DOCK1: variants seen among roughly 807,000 people sequenced by gnomAD.
DOCK1 encodes dedicator of cytokinesis 1.
In DOCK1, 138 loss-of-function variants were observed where a neutral mutation model predicts 262.7. The ratio of observed to expected loss-of-function variants is 0.53; its 90% CI spans 0.46 to 0.61. The LOEUF (loss-of-function observed/expected upper bound fraction) is 0.61, where lower values mean the gene tolerates loss of function less well. Among genes scored for constraint, DOCK1 ranks in the 20% least tolerant of loss-of-function variants. The pLI is 0.00. For missense variants in DOCK1, 1,908 were observed against 2,370.7 expected (o/e 0.80, Z 4.05); for synonymous variants, 866 against 867.4 (o/e 1.00, Z 0.03).
intron 23 of DOCK1, among the ~76,000 whole-genome samples, chr10:127,083,314 C>A (rs755198298): frequency 1.1e-3 from 175 of 152,300 alleles, no homozygotes; most frequent in Non-Finnish European, 1.7e-3. Flanking sequence ...CTGGTGCCCT[C>A]CCTTCCCAGG....
At chr10:127,049,229 G>A (rs1411480069) in intron 21 of DOCK1, among the ~76,000 whole-genome samples, 1 of 152,176 alleles carries the variant, frequency 6.6e-6, no homozygotes, top group Non-Finnish European at 1.5e-5. Context: ...TTATCAAAAA[G>A]TCATAGGCCG....
chr10:127,368,434 C>T (rs942078139), intron 33 of DOCK1, among the ~76,000 whole-genome samples: 2 of 152,130 alleles, frequency 1.3e-5, no homozygotes, highest in Non-Finnish European at 2.9e-5. Flanking sequence ...CCTTTCCTTA[C>T]AGCTGGCCAA....
At chr10:127,281,892 G>C (rs539735750) in intron 29 of DOCK1, among the ~76,000 whole-genome samples, 102 of 152,308 alleles carry the variant, frequency 6.7e-4, no homozygotes, top group Non-Finnish European at 1.2e-3. Flanking sequence ...TGGCCTCCCT[G>C]TAGGTCAGTG....
chr10:127,314,969 C>T (rs2062211263), intron 29 of DOCK1, among the ~76,000 whole-genome samples: 1 of 152,222 alleles, frequency 6.6e-6, no homozygotes, highest in South Asian at 2.1e-4. Context: ...ACTGTAATAA[C>T]AGCAGCTGGT....
intron 24 of DOCK1, among the ~76,000 whole-genome samples, chr10:127,108,712 C>A (rs2048690313): frequency 6.6e-6 from 1 of 152,214 alleles, no homozygotes; most frequent in African/African-American, 2.4e-5. Flanking sequence ...CCGATCCATC[C>A]CATGCTGGCC....
chr10:127,123,852 C>T (rs2133058392), intron 25 of DOCK1, among the ~76,000 whole-genome samples: 1 of 152,298 alleles, frequency 6.6e-6, no homozygotes, highest in South Asian at 2.1e-4. Context: ...GGCCTCTTTC[C>T]AGAAGATGTG....
At chr10:127,250,136 A>G (rs548309947) in intron 28 of DOCK1, among the ~76,000 whole-genome samples, 1 of 152,364 alleles carries the variant, frequency 6.6e-6, no homozygotes, top group East Asian at 1.9e-4. Flanking sequence ...TCCAGGTTGA[A>G]TAATAAAGTC....
chr10:127,264,079 A>G (rs1010449732), intron 29 of DOCK1, among the ~76,000 whole-genome samples: 4 of 152,100 alleles, frequency 2.6e-5, no homozygotes, highest in Non-Finnish European at 5.9e-5. Context: ...ACTGAATGTA[A>G]TTTTCCCTAT....
intron 22 of DOCK1, among the ~76,000 whole-genome samples, chr10:127,058,442 G>T (rs1486196566): frequency 6.6e-6 from 1 of 151,802 alleles, no homozygotes; most frequent in Non-Finnish European, 1.5e-5. Context: ...ACATATAGTT[G>T]TATTTTTCTT....
At chr10:127,275,972 C>T (rs551362177) in intron 29 of DOCK1, among the ~76,000 whole-genome samples, 1 of 152,242 alleles carries the variant, frequency 6.6e-6, no homozygotes, top group Non-Finnish European at 1.5e-5. Flanking sequence ...GAGATCCCTG[C>T]GGCTCATGCT....
chr10:127,160,579 C>T (rs1253102239), intron 27 of DOCK1, among the ~76,000 whole-genome samples: 1 of 152,186 alleles, frequency 6.6e-6, no homozygotes, highest in Non-Finnish European at 1.5e-5. Flanking sequence ...GGGAGCAGCA[C>T]GTTGGATAGT....
intron 8 of DOCK1, 90 bp from the exon 9 acceptor site, chr10:126,999,264 A>G (rs917165248): frequency 2.1e-6 from 2 of 960,984 alleles, no homozygotes; most frequent in African/African-American, 3.2e-5. Context: ...TAGTGCACGT[A>G]CATGGTATTA....
chr10:127,316,582 G>A (rs1235370086), intron 29 of DOCK1, among the ~76,000 whole-genome samples: 1 of 152,166 alleles, frequency 6.6e-6, no homozygotes, highest in Non-Finnish European at 1.5e-5. Context: ...TGAAAGCACT[G>A]TTTGGGTTGT....
intron 27 of DOCK1, among the ~76,000 whole-genome samples, chr10:127,244,626 G>A (rs1426630241): frequency 6.6e-6 from 1 of 152,106 alleles, no homozygotes; most frequent in African/African-American, 2.4e-5. Context: ...GATTACTAAT[G>A]AGGTTCACTT....
At chr10:127,302,691 A>G (rs2061722745) in intron 29 of DOCK1, among the ~76,000 whole-genome samples, 1 of 151,224 alleles carries the variant, frequency 6.6e-6, no homozygotes, top group Non-Finnish European at 1.5e-5. Flanking sequence ...TGTAGGCACA[A>G]TCACTATTCT....
intron 12 of DOCK1, among the ~76,000 whole-genome samples, chr10:127,016,977 ACGCACACACACAC>A (rs1302120468): frequency 6.9e-5 from 10 of 144,426 alleles, no homozygotes; most frequent in South Asian, 2.5e-4. Flanking sequence ...ATACATACAC[ACGCACACACACAC>A]AGATACAGAC....
intron 1 of DOCK1, among the ~76,000 whole-genome samples, chr10:126,956,686 AC>A (rs1391375573): frequency 3.3e-5 from 5 of 152,170 alleles, no homozygotes; most frequent in Non-Finnish European, 5.9e-5. Flanking sequence ...ATACACACTC[AC>A]CAGGGACCCC....
At chr10:127,350,536 A>G (rs2133839973) in intron 31 of DOCK1, among the ~76,000 whole-genome samples, 1 of 152,318 alleles carries the variant, frequency 6.6e-6, no homozygotes, top group African/African-American at 2.4e-5. Context: ...GCCCACTGTT[A>G]CATTTTCTCA....
At chr10:126,958,812 T>C (rs36127921) in intron 1 of DOCK1, among the ~76,000 whole-genome samples, 83,145 of 151,944 alleles carry the variant, frequency 0.55, 23,922 homozygotes, top group African/African-American at 0.71. Context: ...CTGAGTGTTT[T>C]TGTGTCAAAA....
Sources: gnomAD v4.1 joint callset for allele counts (sites outside exome capture counted in the v4.1 genomes callset) on GRCh38, gnomAD v4.1.1 for gene constraint, MANE v1.5 for transcripts, NCBI Gene and HGNC (gene_info 2026-07-23, HGNC 2026-07-21) for gene names.